Variants in CPS1 observed in about 807,000 individuals in gnomAD.
CPS1 encodes the protein carbamoyl-phosphate synthase 1.
In CPS1, 109 loss-of-function variants were observed where a neutral mutation model predicts 174.6. That is an observed-to-expected ratio of 0.62 (90% CI 0.53 to 0.73). The LOEUF (loss-of-function observed/expected upper bound fraction) is 0.73. Ranked by LOEUF, CPS1 falls within the 30% of genes least tolerant of loss-of-function variation. The pLI, the probability that CPS1 is intolerant of heterozygous loss-of-function variation, is 0.00. For synonymous variants in CPS1, 637 were observed against 632.0 expected (o/e 1.01, Z -0.12); for missense variants, 1,689 against 1,821.9 (o/e 0.93, Z 1.33).
intron 21 of CPS1, chr2:210,619,109 T>C (rs544244446): frequency 1.3e-5 from 2 of 152,034 alleles, no homozygotes; most frequent in African/African-American, 4.8e-5. Flanking sequence ...GTACTTTTCA[T>C]AGAGATCCTT....
At chr2:210,580,509 A>G (rs544817815) in intron 5 of CPS1, among the ~76,000 whole-genome samples, 2 of 152,204 alleles carry the variant, frequency 1.3e-5, no homozygotes, top group East Asian at 3.9e-4. Context: ...AAATGCAACT[A>G]AAGTTTTCTT....
intron 6 of CPS1, among the ~76,000 whole-genome samples, chr2:210,587,045 C>G (rs1698134487): frequency 6.9e-6 from 1 of 144,830 alleles, no homozygotes; most frequent in South Asian, 2.3e-4. Flanking sequence ...AGCAATAACT[C>G]CCCCCAGATC....
At position 210,654,018 on chromosome 2, in the gene CPS1, G is replaced by A. The variant is rs368909569; in HGVS notation, c.3481-7G>A. The A allele has an allele frequency of 6.3e-4, 1,016 of 1,613,192 alleles. 10 individuals are homozygous for A. In the South Asian group the frequency reaches 0.01, roughly 16 times the overall value. ...ATGTTCGGCTCCTCTGTTTTCCTTC[G>A]TGACAGGAGCACCCAGTGGTGCTGA... On this transcript the variant is annotated splice_polypyrimidine_tract_variant and splice_region_variant and intron_variant, in intron 28 of 37. Coordinates refer to ENST00000233072, the MANE Select transcript of CPS1 (RefSeq NM_001875.5).
intron 27 of CPS1, 32 bp downstream of exon 27, chr2:210,648,572 A>T (rs1427180556): frequency 1.0e-5 from 16 of 1,563,326 alleles, no homozygotes; most frequent in Non-Finnish European, 1.3e-5. Flanking sequence ...CAAAACAATG[A>T]TTCAAAAATT....
intron 29 of CPS1, among the ~76,000 whole-genome samples, chr2:210,654,797 C>T (rs181311382): frequency 9.2e-5 from 14 of 152,324 alleles, no homozygotes; most frequent in African/African-American, 3.4e-4. Context: ...TTTGCAAATA[C>T]TTCAAAACAC....
At chr2:210,622,435 G>A (rs942938716) in intron 21 of CPS1, among the ~76,000 whole-genome samples, 1 of 151,652 alleles carries the variant, frequency 6.6e-6, no homozygotes, top group African/African-American at 2.4e-5. Flanking sequence ...AAACAGATTT[G>A]TTTAGAGGTG....
rs568052287 is a variant in CPS1 at position 210,515,401 on chromosome 2, G to C, written c.3+37635G>C. Among the ~76,000 whole-genome samples the C allele has an allele frequency of 2.0e-5, 3 of 151,646 alleles. No homozygotes were observed. In the East Asian group the frequency reaches 5.8e-4, roughly 29 times the overall value. ...GGAACTTGATATTGGTCTGTTAAAG[G>C]TTTCAATATTTCTTTCTGATTAAAT... On this transcript the variant is annotated intron_variant, in intron 1 of 38. Coordinates refer to the CPS1 transcript ENST00000430249.
At position 210,513,017 on chromosome 2, in the gene CPS1, T is replaced by G. The variant is rs796410968; in HGVS notation, c.3+35251T>G. Among the ~76,000 whole-genome samples the G allele has an allele frequency of 2.2e-3, 38 of 16,966 alleles. 8 individuals are homozygous for G. Among genetic ancestry groups the G allele is most frequent in the Middle Eastern group, 0.05 (2 of 40 alleles). The allele number at this position is 16,966 out of a possible 152,430, so 11.1% of individuals were successfully genotyped here. A position where few individuals can be genotyped will look rare whatever the true frequency, so the allele number is the denominator to read the frequency against. On this transcript the variant is annotated intron_variant, in intron 1 of 38. Coordinates refer to the CPS1 transcript ENST00000430249. ...ATATATGGAGATATATATATATCTA[T>G]ATATCTATATATTTATATATATATG...
At chr2:210,520,971 C>T (rs1395783698) in intron 1 of CPS1, among the ~76,000 whole-genome samples, 2 of 151,932 alleles carry the variant, frequency 1.3e-5, no homozygotes, top group African/African-American at 4.8e-5. Flanking sequence ...AAAGGGGATC[C>T]AATAGTGGAT....
At chr2:210,581,727 A>G (rs963733829) in intron 5 of CPS1, among the ~76,000 whole-genome samples, 5 of 152,156 alleles carry the variant, frequency 3.3e-5, no homozygotes, top group Admixed American at 2.0e-4. Context: ...AACATCCATC[A>G]TGCTTGCATG....
intron 21 of CPS1, among the ~76,000 whole-genome samples, chr2:210,623,357 CT>C (rs1699594973): frequency 6.6e-6 from 1 of 151,866 alleles, no homozygotes; most frequent in Non-Finnish European, 1.5e-5. Flanking sequence ...TTGACATAAA[CT>C]TTACTATGGA....
intron 5 of CPS1, among the ~76,000 whole-genome samples, chr2:210,582,242 G>T (rs1697947635): frequency 6.6e-6 from 1 of 151,976 alleles, no homozygotes; most frequent in Admixed American, 6.6e-5. Context: ...TGTCTCAATA[G>T]ATTTTTTTTG....
intron 1 of CPS1, among the ~76,000 whole-genome samples, chr2:210,490,594 G>A (rs938697008): frequency 2.6e-5 from 4 of 152,208 alleles, no homozygotes; most frequent in Non-Finnish European, 5.9e-5. Context: ...TTTGTGGGGG[G>A]ACAGTGAAGG....
At position 210,675,744 on chromosome 2, in the gene CPS1, C is replaced by A. The variant is rs1701505235; in HGVS notation, c.4178C>A (p.Ala1393Asp). ...NEGFKLFATE[A>D]TSDWLNANNV... ...TAAATGCAGCTGTTTGCCACGGAAG[C>A]CACATCAGACTGGCTCAACGCCAAC... Residue 1393 changes from alanine (A) to aspartate (D), a missense_variant, in exon 36 of 38, where the codon GCC (alanine) becomes GAC (aspartate). Physicochemically the swap from Ala to Asp is moderately radical, Grantham distance 126. Transcript: ENST00000233072. 1 of 1,590,836 alleles carries A rather than the reference C, an allele frequency of 6.3e-7. No individual in the cohort carries two copies. The highest frequency in any genetic ancestry group is 8.6e-7 in the Non-Finnish European group (1 of 1,158,724).
chr2:210,561,127 C>T (rs1574525477), intron 1 of CPS1, among the ~76,000 whole-genome samples: 1 of 152,100 alleles, frequency 6.6e-6, no homozygotes, highest in South Asian at 2.1e-4. Context: ...TATTAGTCAC[C>T]AACAACGCCT....
intron 33 of CPS1, among the ~76,000 whole-genome samples, chr2:210,663,521 G>A (rs1700991157): frequency 6.6e-6 from 1 of 152,080 alleles, no homozygotes. Flanking sequence ...GGGTCTCTCT[G>A]TAACAACACC....
chr2:210,509,616 G>C (rs1173891957), intron 1 of CPS1, among the ~76,000 whole-genome samples: 1 of 152,184 alleles, frequency 6.6e-6, no homozygotes, highest in Non-Finnish European at 1.5e-5. Flanking sequence ...TGATGTGATA[G>C]TATATCTAGA....
At chr2:210,504,627 G>T (rs968204377) in intron 1 of CPS1, among the ~76,000 whole-genome samples, 1 of 152,180 alleles carries the variant, frequency 6.6e-6, no homozygotes, top group Non-Finnish European at 1.5e-5. Context: ...AAAGGGTTGT[G>T]TATTGGAGTA....
intron 11 of CPS1, 139 bp from the exon 12 acceptor site, chr2:210,594,369 A>G: frequency 3.0e-6 from 2 of 655,962 alleles, no homozygotes; most frequent in Admixed American, 2.5e-5. Context: ...ATTGACAAAA[A>G]AGCAAAAAAA....
Sources: gnomAD v4.1 joint callset for allele counts (sites outside exome capture counted in the v4.1 genomes callset) on GRCh38, gnomAD v4.1.1 for gene constraint, MANE v1.5 for transcripts, NCBI Gene and HGNC (gene_info 2026-07-23, HGNC 2026-07-21) for gene names.